Variants in RAB30 observed in about 807,000 individuals in gnomAD.
RAB30 encodes RAB30, member RAS oncogene family.
Under a neutral mutation model 25.1 loss-of-function variants are expected in RAB30, and 9 were observed. The ratio of observed to expected loss-of-function variants is 0.36; its 90% CI spans 0.22 to 0.63. The LOEUF (loss-of-function observed/expected upper bound fraction) is 0.63. Ranked by LOEUF, RAB30 falls within the 20% of genes least tolerant of loss-of-function variation. The pLI is 0.69. For missense variants in RAB30, 140 were observed against 243.5 expected, an observed-to-expected ratio of 0.58 and a Z score of 2.83; for synonymous variants, 77 against 86.4, an observed-to-expected ratio of 0.89 and a Z score of 0.60.
intron 1 of RAB30, among the ~76,000 whole-genome samples, chr11:83,014,250 GAATAAGA>G (rs1313335796): frequency 6.6e-6 from 1 of 152,138 alleles, no homozygotes; most frequent in Non-Finnish European, 1.5e-5. Flanking sequence ...GATGAGAATT[GAATAAGA>G]AAGAGCCAGA....
intron 1 of RAB30, among the ~76,000 whole-genome samples, chr11:83,047,320 C>A (rs1858255185): frequency 6.6e-6 from 1 of 152,144 alleles, no homozygotes; most frequent in Non-Finnish European, 1.5e-5. Context: ...ATGTAGCCAT[C>A]CCCTGAACAA....
chr11:83,053,555 G>A (rs1304771303), intron 1 of RAB30, among the ~76,000 whole-genome samples: 1 of 151,526 alleles, frequency 6.6e-6, no homozygotes, highest in East Asian at 1.9e-4. Flanking sequence ...TTAGTTGTGA[G>A]CATCTCCAAT....
At chr11:82,990,412 A>G (rs764416763) in intron 3 of RAB30, among the ~76,000 whole-genome samples, 41 of 152,234 alleles carry the variant, frequency 2.7e-4, no homozygotes, top group Non-Finnish European at 4.7e-4. Flanking sequence ...TCTACTTAAC[A>G]GATTAGTAGG....
intron 1 of RAB30, chr11:83,034,792 A>C (rs1484540021): frequency 6.6e-6 from 1 of 152,132 alleles, no homozygotes; most frequent in Non-Finnish European, 1.5e-5. Context: ...ACTGCAGGTA[A>C]CAGATAAGAA....
Position 83,008,985 on chromosome 11 carries a change from G to A in RAB30, c.-8-11661C>T, listed in dbSNP as rs138011403. On this transcript the variant is annotated intron_variant, in intron 1 of 4. Coordinates refer to ENST00000527633, the MANE Select transcript of RAB30 (RefSeq NM_001286060.2). ...TCACCTCTCTTCAATTCCCATATAC[G>A]TTAGACTCCATCACATAACAATGAA... Among the ~76,000 whole-genome samples, 1,129 of 151,960 alleles carry A rather than the reference G, an allele frequency of 7.4e-3. 46 individuals carry two copies. Among genetic ancestry groups the A allele is most frequent in the Admixed American group, 0.068 (1,036 of 15,244 alleles).
intron 1 of RAB30, among the ~76,000 whole-genome samples, chr11:83,024,862 C>T (rs553474975): frequency 1.3e-5 from 2 of 152,314 alleles, no homozygotes; most frequent in South Asian, 2.1e-4. Context: ...CTGTGTTGAA[C>T]TCAGCATCCC....
chr11:83,021,612 A>C (rs1411364146), intron 1 of RAB30, among the ~76,000 whole-genome samples: 1 of 152,074 alleles, frequency 6.6e-6, no homozygotes, highest in African/African-American at 2.4e-5. Context: ...TCCACGCCTG[A>C]CTCCAGTCTC....
intron 1 of RAB30, among the ~76,000 whole-genome samples, chr11:83,050,167 G>T (rs12272677): frequency 0.026 from 3,968 of 151,992 alleles, 138 homozygotes; most frequent in African/African-American, 0.082. Context: ...GGAGGCTGAG[G>T]ACTACTTGAG....
At position 82,981,845 on chromosome 11, in the gene RAB30, T is replaced by G. The variant is rs954246762; in HGVS notation, c.*320A>C. 3.3e-6 allele frequency: 1 copy of G among 302,488 alleles called. No individual in the cohort carries two copies. Among genetic ancestry groups the G allele is most frequent in the Non-Finnish European group, 6.3e-6 (1 of 157,546 alleles). The allele number at this position is 302,488 out of a possible 1,614,324, so 18.7% of individuals were successfully genotyped here. A position where few individuals can be genotyped will look rare whatever the true frequency, so the allele number is the denominator to read the frequency against. ...GTGCAGGAGGGATCCCTACAGTACA[T>G]TTCCCCCCGGACTCTGTTTAGGAAT... On this transcript the variant is annotated 3_prime_UTR_variant, in exon 5 of 5. Transcript: ENST00000527633.
chr11:83,037,922 C>T (rs1219811071), intron 1 of RAB30, among the ~76,000 whole-genome samples: 3 of 152,116 alleles, frequency 2.0e-5, no homozygotes, highest in African/African-American at 7.2e-5. Context: ...CTGGGACCAA[C>T]GTGCGGAAGA....
intron 1 of RAB30, among the ~76,000 whole-genome samples, chr11:83,055,445 C>A (rs950473715): frequency 6.6e-6 from 1 of 152,208 alleles, no homozygotes; most frequent in Non-Finnish European, 1.5e-5. Flanking sequence ...TGTTCCCTTC[C>A]CCTGAGTTGC....
intron 1 of RAB30, among the ~76,000 whole-genome samples, chr11:83,029,693 T>C (rs1476563971): frequency 6.6e-6 from 1 of 152,200 alleles, no homozygotes; most frequent in Non-Finnish European, 1.5e-5. Flanking sequence ...AAAGTAACAG[T>C]AATTCCTTGA....
At chr11:83,041,776 A>G (rs1205692475) in intron 1 of RAB30, among the ~76,000 whole-genome samples, 1 of 152,126 alleles carries the variant, frequency 6.6e-6, no homozygotes, top group Non-Finnish European at 1.5e-5. Context: ...GCAGTGGCTC[A>G]TGCCTATAAT....
intron 1 of RAB30, among the ~76,000 whole-genome samples, chr11:83,014,266 G>A (rs1479349274): frequency 3.9e-5 from 6 of 152,186 alleles, no homozygotes; most frequent in Non-Finnish European, 8.8e-5. Flanking sequence ...GAAAGAGCCA[G>A]ACCAGGCTTG....
rs527777703 is a variant in RAB30, at chr11:83,052,580, G to A, written c.-9+19111C>T. Among the ~76,000 whole-genome samples, 31 of 152,316 alleles carry A rather than the reference G, an allele frequency of 2.0e-4. No individual in the cohort carries two copies. In the South Asian group the frequency reaches 6.2e-3, roughly 31 times the overall value. On this transcript the variant is annotated intron_variant, in intron 1 of 4. Transcript: ENST00000527633. ...GAGAGATGTCTGGCCTGCCTCCAAAGCCAGCTGGGAAAACATTCCCTGACA... is the reference window on the plus strand; with the variant it reads ...GAGAGATGTCTGGCCTGCCTCCAAAACCAGCTGGGAAAACATTCCCTGACA...
chr11:83,043,730 G>A (rs11819784), intron 1 of RAB30, among the ~76,000 whole-genome samples: 10,327 of 151,990 alleles, frequency 0.068, 775 homozygotes, highest in African/African-American at 0.18. Context: ...TTTTTTGGTT[G>A]TCCTTTGTAT....
At chr11:83,002,540 T>C (rs1419245157) in intron 1 of RAB30, among the ~76,000 whole-genome samples, 1 of 151,480 alleles carries the variant, frequency 6.6e-6, no homozygotes, top group Non-Finnish European at 1.5e-5. Context: ...AAAATGAATT[T>C]TAAAAAGATA....
chr11:83,014,635 AAAG>A (rs1463847678), intron 1 of RAB30, among the ~76,000 whole-genome samples: 8 of 8,712 alleles, frequency 9.2e-4, no homozygotes. Context: ...GAAGTAAGAA[AAAG>A]AAAGAAAGAA....
At chr11:83,005,936 T>C (rs768415506) in intron 1 of RAB30, among the ~76,000 whole-genome samples, 31 of 151,080 alleles carry the variant, frequency 2.1e-4, no homozygotes, top group Admixed American at 5.3e-4. Context: ...GGAATAAAAA[T>C]AGCACTTACA....
Sources: allele counts gnomAD v4.1 joint callset (sites outside exome capture counted in the v4.1 genomes callset), GRCh38; gene constraint gnomAD v4.1.1; transcripts MANE v1.5; gene names NCBI Gene and HGNC (gene_info 2026-07-23, HGNC 2026-07-21).